The following PLCXD3 variants were observed in gnomAD, a reference collection of about 807,000 sequenced individuals.
The protein encoded by PLCXD3 is phosphatidylinositol specific phospholipase C X domain containing 3.
A neutral mutation model predicts 25.5 loss-of-function variants in PLCXD3; 19 were observed. That is an observed-to-expected ratio of 0.75 (90% CI 0.52 to 1.09). The LOEUF (loss-of-function observed/expected upper bound fraction) is 1.09, where lower values mean the gene tolerates loss of function less well. PLCXD3 is among the 50% of genes least tolerant of loss of function. The probability of loss-of-function intolerance (pLI) is 0.00; values close to 1 mark genes in which losing one functional copy is unlikely to be tolerated. For synonymous variants in PLCXD3, 174 were observed against 137.6 expected (o/e 1.26, Z -1.85); for missense variants, 411 against 388.1 (o/e 1.06, Z -0.50).
chr5:41,365,779 T>C (rs546494618), intron 2 of PLCXD3, among the ~76,000 whole-genome samples: 64 of 152,082 alleles, frequency 4.2e-4, no homozygotes, highest in Middle Eastern at 3.4e-3. Context: ...TTTAGTATTG[T>C]ATCTGCTTCA....
chr5:41,330,940 G>A (rs547043451), intron 2 of PLCXD3, among the ~76,000 whole-genome samples: 49 of 152,242 alleles, frequency 3.2e-4, no homozygotes, highest in Admixed American at 9.2e-4. Context: ...TTGATGGGAT[G>A]TATCTCAAAA....
At chr5:41,489,251 A>G (rs318051) in intron 1 of PLCXD3, among the ~76,000 whole-genome samples, 27,286 of 151,890 alleles carry the variant, frequency 0.18, 2,642 homozygotes, top group Middle Eastern at 0.27. Context: ...GATAAGCGGC[A>G]TTATTTCTGA....
intron 1 of PLCXD3, among the ~76,000 whole-genome samples, chr5:41,414,768 C>T (rs553659118): frequency 1.3e-5 from 2 of 152,322 alleles, no homozygotes; most frequent in Non-Finnish European, 2.9e-5. Flanking sequence ...CTCCTGCTGT[C>T]CTGCCAGGGA....
chr5:41,319,863 C>T (rs1481746214), intron 2 of PLCXD3, among the ~76,000 whole-genome samples: 1 of 151,744 alleles, frequency 6.6e-6, no homozygotes, highest in Non-Finnish European at 1.5e-5. Context: ...AACCTTTAGC[C>T]ATACTAAGAA....
chr5:41,496,276 G>T (rs1026760208), intron 1 of PLCXD3, among the ~76,000 whole-genome samples: 5 of 151,816 alleles, frequency 3.3e-5, no homozygotes, highest in African/African-American at 1.2e-4. Context: ...GGAGAAATGA[G>T]AAACAAAGGG....
intron 1 of PLCXD3, among the ~76,000 whole-genome samples, chr5:41,396,525 A>G (rs1374787760): frequency 6.6e-6 from 1 of 152,214 alleles, no homozygotes; most frequent in East Asian, 1.9e-4. Context: ...ATGGACTAAT[A>G]CAGAAAATTA....
intron 1 of PLCXD3, among the ~76,000 whole-genome samples, chr5:41,462,702 T>A (rs1288830842): frequency 6.6e-6 from 1 of 151,844 alleles, no homozygotes; most frequent in African/African-American, 2.4e-5. Flanking sequence ...GGAGAATCAC[T>A]TGAACCTGGG....
At chr5:41,456,480 A>G (rs1223309212) in intron 1 of PLCXD3, 1 of 751,158 alleles carries the variant, frequency 1.3e-6, no homozygotes, top group East Asian at 1.3e-4. Flanking sequence ...ATAAGGATAA[A>G]TGAAAAATAA....
intron 1 of PLCXD3, among the ~76,000 whole-genome samples, chr5:41,507,248 T>C (rs968299470): frequency 5.3e-5 from 8 of 152,160 alleles, no homozygotes; most frequent in Non-Finnish European, 8.8e-5. Flanking sequence ...CTGCTTATAG[T>C]GAAGGGCAGT....
In PLCXD3 at chr5:41,491,957, A is replaced by G. The variant is rs373392532; in HGVS notation, c.103+18467T>C. On this transcript the variant is annotated intron_variant, in intron 1 of 2. Coordinates refer to ENST00000377801, the MANE Select transcript of PLCXD3 (RefSeq NM_001005473.3). ...ACATTTAAAGTTAATATTGTTATGT[A>G]TGAATTTGATCCTGTCATTATGATG... Among the ~76,000 whole-genome samples the G allele has an allele frequency of 1.6e-4, 23 of 144,444 alleles. 1 individual carries two copies. The highest frequency in any genetic ancestry group is 4.9e-4 in the African/African-American group (19 of 38,898). The allele number at this position is 144,444 out of a possible 152,430, so 94.8% of individuals were successfully genotyped here. A position where few individuals can be genotyped will look rare whatever the true frequency, so the allele number is the denominator to read the frequency against.
intron 1 of PLCXD3, among the ~76,000 whole-genome samples, chr5:41,458,198 T>C (rs908193706): frequency 1.3e-5 from 2 of 151,904 alleles, no homozygotes; most frequent in African/African-American, 4.8e-5. Flanking sequence ...GTGGTCAGTG[T>C]AATACTTTAG....
chr5:41,333,838 TA>T (rs1311979152), intron 2 of PLCXD3, among the ~76,000 whole-genome samples: 2 of 152,102 alleles, frequency 1.3e-5, no homozygotes, highest in African/African-American at 4.8e-5. Flanking sequence ...AAACAGAAAG[TA>T]ATTAAAGGCA....
chr5:41,462,835 T>C (rs1156848011), intron 1 of PLCXD3, among the ~76,000 whole-genome samples: 2 of 151,034 alleles, frequency 1.3e-5, no homozygotes, highest in African/African-American at 2.4e-5. Flanking sequence ...CTTTGAAAAA[T>C]GATGCTGAGA....
chr5:41,438,751 A>T (rs1229163115), intron 1 of PLCXD3, among the ~76,000 whole-genome samples: 1 of 152,004 alleles, frequency 6.6e-6, no homozygotes, highest in Non-Finnish European at 1.5e-5. Flanking sequence ...GAAATATCCA[A>T]GAATAGCTAG....
At chr5:41,464,183 A>G (rs1747957501) in intron 1 of PLCXD3, among the ~76,000 whole-genome samples, 1 of 152,036 alleles carries the variant, frequency 6.6e-6, no homozygotes, top group Non-Finnish European at 1.5e-5. Flanking sequence ...AGTCTGCTTT[A>G]ATCTGAAGAG....
At chr5:41,426,035 T>C (rs1043549480) in intron 1 of PLCXD3, among the ~76,000 whole-genome samples, 1 of 152,182 alleles carries the variant, frequency 6.6e-6, no homozygotes. Flanking sequence ...TGCCCAGCTG[T>C]CTTTCAAAGT....
chr5:41,343,962 T>C (rs764051428), intron 2 of PLCXD3, among the ~76,000 whole-genome samples: 34 of 152,158 alleles, frequency 2.2e-4, no homozygotes, highest in Non-Finnish European at 4.4e-5. Context: ...AAGTAACAAC[T>C]GTATTGCTTT....
Position 41,440,249 on chromosome 5 carries a change from T to TTTTTTTTG in PLCXD3, c.104-57716_104-57715insCAAAAAAA, listed in dbSNP as rs751131624. 1.3e-3 allele frequency among the ~76,000 whole-genome samples: 128 copies of TTTTTTTTG among 100,378 alleles called. 13 individuals carry two copies. Among genetic ancestry groups the TTTTTTTTG allele is most frequent in the African/African-American group, 4.2e-3 (109 of 25,852 alleles). 65.9% of individuals were successfully genotyped at this position (100,378 alleles called of 152,430 possible). ...TTTTTTTTTTTTTTTTTTTTTTTTT[T>TTTTTTTTG]TTAGTCAGAGTCTCACTGTGTCACC... On this transcript the variant is annotated intron_variant, in intron 1 of 2. Transcript: ENST00000377801.
At chr5:41,369,856 C>G (rs1421274897) in intron 2 of PLCXD3, among the ~76,000 whole-genome samples, 1 of 152,140 alleles carries the variant, frequency 6.6e-6, no homozygotes, top group East Asian at 1.9e-4. Context: ...ATTATATAGG[C>G]AACAACTTTT....
Sources: allele counts gnomAD v4.1 joint callset (sites outside exome capture counted in the v4.1 genomes callset), GRCh38; gene constraint gnomAD v4.1.1; transcripts MANE v1.5; gene names NCBI Gene and HGNC (gene_info 2026-07-23, HGNC 2026-07-21).